ARID3B: variants seen among roughly 807,000 people sequenced by gnomAD.
The protein encoded by ARID3B is AT-rich interactive domain-containing protein 3B.
Under a neutral mutation model 51.9 loss-of-function variants are expected in ARID3B, and 10 were observed. The ratio of observed to expected loss-of-function variants is 0.19; its 90% CI spans 0.12 to 0.33. The LOEUF is 0.33. ARID3B is among the 10% of genes least tolerant of loss of function. The pLI, the probability that ARID3B is intolerant of heterozygous loss-of-function variation, is 1.00. For synonymous variants in ARID3B, 205 were observed against 279.5 expected, an observed-to-expected ratio of 0.73 and a Z score of 2.66; for missense variants, 483 against 716.3, an observed-to-expected ratio of 0.67 and a Z score of 3.72.
chr15:74,568,594 A>AGCTT (rs2061707806), intron 2 of ARID3B, among the ~76,000 whole-genome samples: 1 of 152,200 alleles, frequency 6.6e-6, no homozygotes, highest in African/African-American at 2.4e-5. Flanking sequence ...CACAAACACT[A>AGCTT]GCTTCCTGCT....
intron 4 of ARID3B, among the ~76,000 whole-genome samples, chr15:74,578,169 G>GTTT (rs60825645): frequency 3.6e-5 from 5 of 139,388 alleles, no homozygotes; most frequent in East Asian, 2.7e-4. Flanking sequence ...TCTTTTTTTT[G>GTTT]TTTTTTTTTG....
chr15:74,566,156 C>G (rs938506148), intron 2 of ARID3B, among the ~76,000 whole-genome samples: 1 of 152,156 alleles, frequency 6.6e-6, no homozygotes, highest in Non-Finnish European at 1.5e-5. Context: ...GCTTGGGCTA[C>G]TGCACAGCCA....
At chr15:74,588,787 CCTCTCA>C (rs1387717542) in intron 4 of ARID3B, among the ~76,000 whole-genome samples, 1 of 151,964 alleles carries the variant, frequency 6.6e-6, no homozygotes, top group Non-Finnish European at 1.5e-5. Flanking sequence ...GTCCCTGGCT[CCTCTCA>C]CTTCCCCTCG....
chr15:74,571,901 C>T (rs960780832), intron 2 of ARID3B, among the ~76,000 whole-genome samples: 1 of 152,066 alleles, frequency 6.6e-6, no homozygotes, highest in African/African-American at 2.4e-5. Context: ...GTCAGGAGTT[C>T]GAGACCAGCC....
intron 2 of ARID3B, among the ~76,000 whole-genome samples, chr15:74,545,506 T>G (rs781257258): frequency 1.2e-4 from 19 of 152,352 alleles, no homozygotes; most frequent in Non-Finnish European, 2.8e-4. Flanking sequence ...CAACCAAGCC[T>G]CTTCTCTTTG....
intron 4 of ARID3B, among the ~76,000 whole-genome samples, chr15:74,577,360 C>T (rs1483542975): frequency 6.6e-6 from 1 of 151,528 alleles, no homozygotes; most frequent in Non-Finnish European, 1.5e-5. Context: ...GAGGCTGAGT[C>T]AGGAGAATCA....
intron 1 of ARID3B, among the ~76,000 whole-genome samples, chr15:74,541,575 G>A (rs543299469): frequency 6.6e-6 from 1 of 152,212 alleles, no homozygotes; most frequent in African/African-American, 2.4e-5. Flanking sequence ...CTGGAGCTGA[G>A]TGGGCGCGCA....
chr15:74,551,806 G>A (rs912341332), intron 2 of ARID3B, among the ~76,000 whole-genome samples: 1 of 151,960 alleles, frequency 6.6e-6, no homozygotes, highest in South Asian at 2.1e-4. Context: ...GCTTCTCAAA[G>A]GAATTGGTTT....
intron 2 of ARID3B, among the ~76,000 whole-genome samples, chr15:74,555,470 C>T (rs1032179801): frequency 7.9e-5 from 12 of 152,018 alleles, no homozygotes; most frequent in Admixed American, 3.9e-4. Context: ...GCTGGGGCCA[C>T]GGGCATGTGT....
At chr15:74,586,836 G>A (rs2061783610) in intron 4 of ARID3B, among the ~76,000 whole-genome samples, 1 of 152,210 alleles carries the variant, frequency 6.6e-6, no homozygotes, top group South Asian at 2.1e-4. Context: ...AATTAGAGAA[G>A]GACAATTTGC....
chr15:74,586,517 T>C (rs745331673), intron 4 of ARID3B, among the ~76,000 whole-genome samples: 1 of 152,264 alleles, frequency 6.6e-6, no homozygotes, highest in African/African-American at 2.4e-5. Flanking sequence ...CAATGACTAC[T>C]CAAAATGAAT....
Position 74,543,904 on chromosome 15 carries a change from C to A in ARID3B, c.-33C>A. 6.3e-7 allele frequency: 1 copy of A among 1,582,712 alleles called. No homozygotes were observed. Among genetic ancestry groups the A allele is most frequent in the African/African-American group, 1.3e-5 (1 of 74,452 alleles). On this transcript the variant is annotated 5_prime_UTR_variant, in exon 2 of 9. Transcript: ENST00000346246. ...GGTGGGCTGTGCCCAGGTTCAGAGT[C>A]ATGCCACTCTGTGGGTGAAGCTTGA...
chr15:74,593,039 C>A, intron 7 of ARID3B, 99 bp from the exon 8 acceptor site: 1 of 981,968 alleles, frequency 1.0e-6, no homozygotes, highest in Non-Finnish European at 1.5e-6. Context: ...CTTTTAACAG[C>A]GTGAGGCTTT....
intron 2 of ARID3B, among the ~76,000 whole-genome samples, chr15:74,554,408 C>A (rs2061649349): frequency 6.6e-6 from 1 of 150,842 alleles, no homozygotes. Context: ...GCTCAAGCAG[C>A]CCTCCCGCCT....
At position 74,589,911 on chromosome 15, in the gene ARID3B, G is replaced by A. The variant is rs141741770; in HGVS notation, c.789G>A (p.Val263=). 3,381 of 1,614,104 alleles carry A rather than the reference G, an allele frequency of 2.1e-3. 26 individuals are homozygous for A. The East Asian group carries it at 0.022, about 11-fold the overall frequency. Residue 263 remains valine (V), a synonymous_variant, in exon 5 of 9, where the codon GTG becomes GTA. Coordinates refer to ENST00000346246, the MANE Select transcript of ARID3B (RefSeq NM_006465.4). ...TGGTGACCGAGAAGGGAGGCCTGGT[G>A]GAGATCATCAACAAGAAGATCTGGA... is the stretch of plus-strand genomic sequence containing the variant. ...YKLVTEKGGL[V]EIINKKIWRE...
chr15:74,548,901 C>G (rs76146866), intron 2 of ARID3B, among the ~76,000 whole-genome samples: 50 of 151,972 alleles, frequency 3.3e-4, no homozygotes, highest in Non-Finnish European at 6.3e-4. Flanking sequence ...TTTTTTTTGC[C>G]TATTCTTAAC....
rs1465539983 is a variant in ARID3B, at chr15:74,596,101, C to T, written c.*327C>T. 5 of 314,110 alleles carry T rather than the reference C, an allele frequency of 1.6e-5. No individual in the cohort carries two copies. Among genetic ancestry groups the T allele is most frequent in the South Asian group, 2.2e-4 (2 of 9,078 alleles). The allele number at this position is 314,110 out of a possible 1,614,324, so 19.5% of individuals were successfully genotyped here. Reference sequence around the variant, plus strand: ...CACAGTGTATCGACAATCTGTCAGCCGACGCAGGGCTGGAGGCCCTCCATT... The same window carrying T: ...CACAGTGTATCGACAATCTGTCAGCTGACGCAGGGCTGGAGGCCCTCCATT... On this transcript the variant is annotated 3_prime_UTR_variant, in exon 9 of 9. Coordinates refer to ENST00000346246, the MANE Select transcript of ARID3B (RefSeq NM_006465.4).
At chr15:74,551,123 G>T (rs1184476592) in intron 2 of ARID3B, among the ~76,000 whole-genome samples, 1 of 152,112 alleles carries the variant, frequency 6.6e-6, no homozygotes, top group African/African-American at 2.4e-5. Flanking sequence ...ATCCAAGTTG[G>T]GTTGAAAATA....
At chr15:74,594,241 T>G (rs201173816) in intron 8 of ARID3B, among the ~76,000 whole-genome samples, 108 of 152,018 alleles carry the variant, frequency 7.1e-4, no homozygotes, top group East Asian at 5.1e-3. Context: ...GAAGTCAGGA[T>G]ATCGAGACCA....
Sources: gnomAD v4.1 joint callset for allele counts (sites outside exome capture counted in the v4.1 genomes callset) on GRCh38, gnomAD v4.1.1 for gene constraint, MANE v1.5 for transcripts, NCBI Gene and HGNC (gene_info 2026-07-23, HGNC 2026-07-21) for gene names.